The following BRINP3 variants were observed in gnomAD, a reference collection of about 807,000 sequenced individuals.
BRINP3 encodes the protein BMP/retinoic acid inducible neural specific 3.
A neutral mutation model predicts 71.0 loss-of-function variants in BRINP3; 19 were observed. The observed-to-expected ratio is 0.27, with a 90% CI of 0.19 to 0.39. The LOEUF is 0.39. Among genes scored for constraint, BRINP3 ranks in the 10% least tolerant of loss-of-function variants. The pLI, the probability that BRINP3 is intolerant of heterozygous loss-of-function variation, is 1.00. For missense variants in BRINP3, 959 were observed against 940.8 expected (o/e 1.02, Z -0.25); for synonymous variants, 380 against 337.7 (o/e 1.13, Z -1.37).
intron 6 of BRINP3, among the ~76,000 whole-genome samples, chr1:190,189,142 A>G (rs1444956412): frequency 6.6e-6 from 1 of 152,138 alleles, no homozygotes; most frequent in African/African-American, 2.4e-5. Context: ...TGCTATAAGG[A>G]TGATGCTGGC....
chr1:190,326,915 T>A (rs1666613309), intron 2 of BRINP3, among the ~76,000 whole-genome samples: 1 of 150,732 alleles, frequency 6.6e-6, no homozygotes, highest in Admixed American at 6.6e-5. Flanking sequence ...AACAACCAGC[T>A]AAGAACTTCA....
chr1:190,184,666 G>A (rs1377584118), intron 6 of BRINP3, among the ~76,000 whole-genome samples: 1 of 152,112 alleles, frequency 6.6e-6, no homozygotes, highest in Admixed American at 6.6e-5. Flanking sequence ...ACGTATAGAC[G>A]TATAGTGTGA....
At chr1:190,428,204 T>TA (rs1247374087) in intron 2 of BRINP3, among the ~76,000 whole-genome samples, 3 of 151,718 alleles carry the variant, frequency 2.0e-5, no homozygotes, top group Non-Finnish European at 2.9e-5. Flanking sequence ...TTTTCCTGAA[T>TA]AAAAAAACAA....
intron 2 of BRINP3, among the ~76,000 whole-genome samples, chr1:190,396,165 T>C (rs1345537255): frequency 6.6e-6 from 1 of 151,886 alleles, no homozygotes; most frequent in Non-Finnish European, 1.5e-5. Flanking sequence ...TAAAGTTAAA[T>C]AAGTTATTTA....
At chr1:190,359,926 T>C (rs1669021361) in intron 2 of BRINP3, among the ~76,000 whole-genome samples, 1 of 152,144 alleles carries the variant, frequency 6.6e-6, no homozygotes, top group Non-Finnish European at 1.5e-5. Flanking sequence ...TTTCACCTCC[T>C]AATATATGTG....
At chr1:190,138,829 G>A (rs890367695) in intron 7 of BRINP3, among the ~76,000 whole-genome samples, 2 of 152,166 alleles carry the variant, frequency 1.3e-5, no homozygotes, top group African/African-American at 4.8e-5. Context: ...GTACAAAAAT[G>A]AGGAAGATGC....
At chr1:190,374,524 A>C (rs1670065734) in intron 2 of BRINP3, among the ~76,000 whole-genome samples, 1 of 150,906 alleles carries the variant, frequency 6.6e-6, no homozygotes, top group African/African-American at 2.4e-5. Flanking sequence ...TTTGTGAATA[A>C]TATGATTTAA....
At chr1:190,221,871 T>C (rs1057473741) in intron 6 of BRINP3, among the ~76,000 whole-genome samples, 2 of 152,088 alleles carry the variant, frequency 1.3e-5, no homozygotes, top group Admixed American at 1.3e-4. Context: ...ATAACAATTA[T>C]CAATAGTTTT....
At chr1:190,453,511 C>T (rs1571352955) in intron 2 of BRINP3, among the ~76,000 whole-genome samples, 2 of 151,902 alleles carry the variant, frequency 1.3e-5, no homozygotes, top group East Asian at 3.9e-4. Flanking sequence ...GCCACCACGC[C>T]CAGCCTCGTC....
At chr1:190,207,796 C>T (rs1655642607) in intron 6 of BRINP3, among the ~76,000 whole-genome samples, 1 of 152,204 alleles carries the variant, frequency 6.6e-6, no homozygotes, top group African/African-American at 2.4e-5. Context: ...GAGATACAGA[C>T]ATGTTATTGT....
In BRINP3 at chr1:190,253,423, C is replaced by T. The variant is rs1382689949; in HGVS notation, c.618+11442G>A. On this transcript the variant is annotated intron_variant, in intron 4 of 7. Coordinates refer to ENST00000367462, the MANE Select transcript of BRINP3 (RefSeq NM_199051.3). ...AAAAGCATTCCTATTTCTACACATCCTCTCCAGCATCTGTTGTTTCCTGAC... is the reference window on the plus strand; with the variant it reads ...AAAAGCATTCCTATTTCTACACATCTTCTCCAGCATCTGTTGTTTCCTGAC... Among the ~76,000 whole-genome samples the T allele has an allele frequency of 2.0e-5, 3 of 152,168 alleles. 1 individual carries two copies. In the East Asian group the frequency reaches 5.8e-4, roughly 29 times the overall value.
intron 7 of BRINP3, among the ~76,000 whole-genome samples, chr1:190,119,745 T>A (rs1653475707): frequency 6.6e-6 from 1 of 152,184 alleles, no homozygotes; most frequent in Non-Finnish European, 1.5e-5. Context: ...GTAATTGTAT[T>A]TTGGTTGATT....
At chr1:190,160,633 A>G in intron 7 of BRINP3, 35 bp downstream of exon 7, 2 of 1,567,376 alleles carry the variant, frequency 1.3e-6, no homozygotes, top group East Asian at 4.5e-5. Flanking sequence ...TTTCGGCAAT[A>G]AACTTAATTG....
At chr1:190,320,061 T>C (rs972604123) in intron 2 of BRINP3, among the ~76,000 whole-genome samples, 21 of 152,002 alleles carry the variant, frequency 1.4e-4, no homozygotes, top group Non-Finnish European at 2.9e-4. Flanking sequence ...ACTTGGTGGA[T>C]AGGTTCTTGG....
rs200516650 is a variant in BRINP3 at position 190,427,458 on chromosome 1, CT to C, written c.236+27196del. Among the ~76,000 whole-genome samples the C allele has an allele frequency of 2.8e-3, 428 of 152,024 alleles. 2 individuals are homozygous for C. The highest frequency in any genetic ancestry group is 9.8e-3 in the African/African-American group (406 of 41,510). ...TCAACAATAACCACTCTGTGTGATA[CT>C]TATAAAATAGTTGAATGTAAATCAC... is the stretch of plus-strand genomic sequence containing the variant. On this transcript the variant is annotated intron_variant, in intron 2 of 7. Coordinates refer to ENST00000367462, the MANE Select transcript of BRINP3 (RefSeq NM_199051.3).
intron 6 of BRINP3, among the ~76,000 whole-genome samples, chr1:190,203,693 T>A (rs1354131307): frequency 7.1e-6 from 1 of 140,256 alleles, no homozygotes; most frequent in African/African-American, 2.6e-5. Context: ...AAATACCTTC[T>A]GAGAACTTCA....
intron 2 of BRINP3, among the ~76,000 whole-genome samples, chr1:190,381,708 C>A (rs1207940322): frequency 1.3e-5 from 2 of 152,094 alleles, no homozygotes; most frequent in Non-Finnish European, 2.9e-5. Context: ...GTGATTAGCA[C>A]ATTTTTCATT....
chr1:190,385,882 C>A (rs892607875), intron 2 of BRINP3, among the ~76,000 whole-genome samples: 3 of 146,772 alleles, frequency 2.0e-5, no homozygotes, highest in African/African-American at 7.5e-5. Flanking sequence ...ACATATACAC[C>A]ATGGAATACT....
At chr1:190,436,765 A>C (rs1674485055) in intron 2 of BRINP3, among the ~76,000 whole-genome samples, 1 of 151,832 alleles carries the variant, frequency 6.6e-6, no homozygotes, top group Non-Finnish European at 1.5e-5. Flanking sequence ...ACCATAGCTG[A>C]AAATAAGCAG....
Sources: allele counts gnomAD v4.1 joint callset (sites outside exome capture counted in the v4.1 genomes callset), GRCh38; gene constraint gnomAD v4.1.1; transcripts MANE v1.5; gene names NCBI Gene and HGNC (gene_info 2026-07-23, HGNC 2026-07-21).